The following ZNF106 variants were observed in gnomAD, a reference collection of about 807,000 sequenced individuals.
ZNF106 encodes zinc finger protein 106, also known as SH3-domain binding protein 3.
In ZNF106, 67 loss-of-function variants were observed where a neutral mutation model predicts 195.1. The observed-to-expected ratio is 0.34, with a 90% CI of 0.28 to 0.42. The LOEUF (loss-of-function observed/expected upper bound fraction) is 0.42, where lower values mean the gene tolerates loss of function less well. Among genes scored for constraint, ZNF106 ranks in the 10% least tolerant of loss-of-function variants. ZNF106 has a pLI of 1.00. For missense variants in ZNF106, 2,118 were observed against 2,304.5 expected, an observed-to-expected ratio of 0.92 and a Z score of 1.66; for synonymous variants, 784 against 818.6, an observed-to-expected ratio of 0.96 and a Z score of 0.72.
chr15:42,466,027 C>T, intron 3 of ZNF106, 26 bp downstream of exon 3: 1 of 1,524,224 alleles, frequency 6.6e-7, no homozygotes, highest in East Asian at 2.5e-5. Context: ...CATTCACAAA[C>T]TTATGGAAGA....
At chr15:42,453,973 G>A (rs1475175556) in intron 4 of ZNF106, among the ~76,000 whole-genome samples, 1 of 152,174 alleles carries the variant, frequency 6.6e-6, no homozygotes, top group Non-Finnish European at 1.5e-5. Flanking sequence ...AAGCAGTAGA[G>A]CAGAGATTTA....
chr15:42,434,184 T>C (rs1468096982), intron 14 of ZNF106, among the ~76,000 whole-genome samples: 3 of 152,098 alleles, frequency 2.0e-5, no homozygotes, highest in Admixed American at 1.3e-4. Context: ...ACAAGCCTAC[T>C]GGATCAGAAA....
chr15:42,444,515 T>TA (rs1165988935), intron 8 of ZNF106, among the ~76,000 whole-genome samples: 1 of 152,224 alleles, frequency 6.6e-6, no homozygotes, highest in African/African-American at 2.4e-5. Flanking sequence ...GCCAAATTCC[T>TA]TAAACCCTCA....
At chr15:42,422,690 T>C in intron 17 of ZNF106, 70 bp from the exon 18 acceptor site, 2 of 1,492,450 alleles carry the variant, frequency 1.3e-6, no homozygotes, top group Non-Finnish European at 1.8e-6. Context: ...AATTCTATAA[T>C]TCTAAGAGGC....
At chr15:42,445,234 G>A (rs2055725402) in intron 7 of ZNF106, among the ~76,000 whole-genome samples, 1 of 152,076 alleles carries the variant, frequency 6.6e-6, no homozygotes, top group Non-Finnish European at 1.5e-5. Flanking sequence ...TCTAATCACC[G>A]CCTTCTACCA....
intron 21 of ZNF106, 113 bp from the exon 22 acceptor site, chr15:42,417,473 G>A: frequency 2.3e-6 from 3 of 1,290,232 alleles, no homozygotes; most frequent in Non-Finnish European, 3.3e-6. Context: ...AGACAGGAAA[G>A]GCAGTTAGGA....
rs970403711 is a variant in ZNF106, at chr15:42,450,869, T to C, written c.1403A>G (p.Asn468Ser). 2.2e-5 allele frequency: 35 copies of C among 1,614,078 alleles called. No homozygotes were observed. The highest frequency in any genetic ancestry group is 2.7e-5 in the Non-Finnish European group (32 of 1,180,036). The change falls in exon 5 of 22, where the codon AAT (asparagine) becomes AGT (serine). Residue 468 changes from asparagine (N) to serine (S), a missense_variant. By Grantham distance (46) the Asn-to-Ser change is conservative (BLOSUM62 1). Transcript: ENST00000564754. ...AEKPEQEHTP[N>S]KMPSLKSPLL... is the part of the protein sequence containing the mutation. ...TGGGGATTTCAATGATGGCATTTTA[T>C]TTGGTGTATGCTCTTGTTCAGGTTT...
chr15:42,446,559 T>C, intron 7 of ZNF106, 30 bp downstream of exon 7: 1 of 1,561,838 alleles, frequency 6.4e-7, no homozygotes, highest in Non-Finnish European at 8.7e-7. Flanking sequence ...AAACACCAAC[T>C]TCTTTCTTCC....
In ZNF106 at chr15:42,415,626, G is replaced by T. The variant is rs1474238087; in HGVS notation, c.*1678C>A. On this transcript the variant is annotated 3_prime_UTR_variant, in exon 22 of 22. Coordinates refer to ENST00000564754, the MANE Select transcript of ZNF106 (RefSeq NM_001366845.3). ...AGTGGATATATGTGCACTAACAGGG[G>T]CGAAGACAGACCTGGATGGTCTGCA... 7 of 341,470 alleles carry T rather than the reference G, an allele frequency of 2.0e-5. No homozygotes were observed. The East Asian group carries it at 5.9e-4, about 29-fold the overall frequency. The allele number at this position is 341,470 out of a possible 1,614,324, so 21.2% of individuals were successfully genotyped here.
In ZNF106 at chr15:42,448,697, A is replaced by T; in HGVS notation, c.2510T>A (p.Ile837Lys). 6.3e-7 allele frequency: 1 copy of T among 1,593,626 alleles called. No homozygotes were observed. The highest frequency in any genetic ancestry group is 8.5e-7 in the Non-Finnish European group (1 of 1,174,434). Residue 837 changes from isoleucine to lysine, a missense_variant, in exon 6 of 22, where the codon ATA (isoleucine) becomes AAA (lysine). By Grantham distance (102) the Ile-to-Lys change is moderately radical (BLOSUM62 -3). Coordinates refer to ENST00000564754, the MANE Select transcript of ZNF106 (RefSeq NM_001366845.3). ...ATTTTGAACAAGGGGTACCATTTCT[A>T]TGCCAAACCTTAAGGAAGAAAGAAA... is the stretch of plus-strand genomic sequence containing the variant. Reference protein sequence around the residue: ...ELGKGLPRFGIEMVPLVQNEQ... With the variant: ...ELGKGLPRFGKEMVPLVQNEQ...
chr15:42,446,941 G>C (rs1341415580), intron 6 of ZNF106, among the ~76,000 whole-genome samples: 2 of 152,092 alleles, frequency 1.3e-5, no homozygotes. Context: ...GTGTAGTAAG[G>C]CACAAGTAGA....
intron 1 of ZNF106, among the ~76,000 whole-genome samples, chr15:42,478,277 CCA>C (rs2056826908): frequency 2.0e-5 from 3 of 152,070 alleles, no homozygotes; most frequent in Admixed American, 2.0e-4. Context: ...AATTCTCCTG[CCA>C]CAGCCTCCCA....
At position 42,439,434 on chromosome 15, in the gene ZNF106, C is replaced by T. The variant is rs1346912033; in HGVS notation, c.4143G>A (p.Lys1381=). The change falls in exon 11 of 22, where the codon AAG becomes AAA. Residue 1381 remains lysine (K), a synonymous_variant. Coordinates refer to ENST00000564754, the MANE Select transcript of ZNF106 (RefSeq NM_001366845.3). ...GSKKKKKLRK[K]KSLRAAHVPE... is the part of the protein sequence containing the mutation. The stretch of plus-strand genomic sequence containing the variant: ...GAACATGGGCAGCCCGTAGACTTTT[C>T]TTCTTCCGGAGTTTCTTCTTTTTCT... The T allele has an allele frequency of 6.2e-7, 1 of 1,613,602 alleles. No individual in the cohort carries two copies. The highest frequency in any genetic ancestry group is 8.5e-7 in the Non-Finnish European group (1 of 1,179,960).
At chr15:42,420,545 G>C (rs1235827931) in intron 20 of ZNF106, among the ~76,000 whole-genome samples, 1 of 152,086 alleles carries the variant, frequency 6.6e-6, no homozygotes, top group Non-Finnish European at 1.5e-5. Context: ...ATGCTGAAAA[G>C]GATCTTAGGG....
At chr15:42,481,983 TA>T (rs1286704973) in intron 1 of ZNF106, among the ~76,000 whole-genome samples, 3 of 152,200 alleles carry the variant, frequency 2.0e-5, no homozygotes, top group African/African-American at 7.2e-5. Context: ...GCTAGGTTTT[TA>T]AAATATTGAT....
intron 15 of ZNF106, among the ~76,000 whole-genome samples, 180 bp from the exon 16 acceptor site, chr15:42,425,205 C>T (rs367816822): frequency 6.6e-5 from 10 of 152,184 alleles, no homozygotes; most frequent in African/African-American, 1.9e-4. Context: ...ACTGAACCTC[C>T]CCCATCCCCT....
At chr15:42,459,951 G>A (rs1361573774) in intron 3 of ZNF106, among the ~76,000 whole-genome samples, 3 of 151,724 alleles carry the variant, frequency 2.0e-5, no homozygotes, top group East Asian at 1.9e-4. Flanking sequence ...GCTGAGGCAG[G>A]AGAATCGCTT....
Position 42,448,359 on chromosome 15 carries a change from C to A in ZNF106, c.2848G>T (p.Ala950Ser). The A allele has an allele frequency of 3.1e-6, 5 of 1,614,148 alleles. No homozygotes were observed. Among genetic ancestry groups the A allele is most frequent in the Non-Finnish European group, 4.2e-6 (5 of 1,180,038 alleles). ...RAASLRTGER[A>S]ENVATQRRHS... ...CGCCTTTGGGTAGCAACATTTTCAG[C>A]CCTTTCACCTGTTCGGAGGGAGGCA... is the stretch of plus-strand genomic sequence containing the variant. Residue 950 changes from alanine (A) to serine (S), a missense_variant, in exon 6 of 22, where the codon GCT becomes TCT. Physicochemically the swap from Ala to Ser is moderately conservative, Grantham distance 99 (BLOSUM62 1). Transcript: ENST00000564754.
intron 3 of ZNF106, among the ~76,000 whole-genome samples, chr15:42,461,353 A>G (rs1476293771): frequency 2.0e-5 from 3 of 152,378 alleles, no homozygotes; most frequent in African/African-American, 7.2e-5. Flanking sequence ...TTGGCTAGCA[A>G]AGGCAATAAT....
Sources: allele counts gnomAD v4.1 joint callset (sites outside exome capture counted in the v4.1 genomes callset), GRCh38; gene constraint gnomAD v4.1.1; transcripts MANE v1.5; gene names NCBI Gene and HGNC (gene_info 2026-07-23, HGNC 2026-07-21).